The following ANKRD36C variants were observed in gnomAD, a reference collection of about 807,000 sequenced individuals.
ANKRD36C encodes ankyrin repeat domain-containing protein 36C.
Under a neutral mutation model 276.4 loss-of-function variants are expected in ANKRD36C, and 61 were observed. That is an observed-to-expected ratio of 0.22 (90% CI 0.18 to 0.27). The LOEUF is 0.27. Ranked by LOEUF, ANKRD36C falls within the 10% of genes least tolerant of loss-of-function variation. The pLI, the probability that ANKRD36C is intolerant of heterozygous loss-of-function variation, is 1.00. For synonymous variants in ANKRD36C, 483 were observed against 680.1 expected, an observed-to-expected ratio of 0.71 and a Z score of 4.51; for missense variants, 1,447 against 2,032.3, an observed-to-expected ratio of 0.71 and a Z score of 5.54.
At chr2:95,963,992 T>TATATAA (rs1558658738) in intron 6 of ANKRD36C, among the ~76,000 whole-genome samples, 50 of 16,602 alleles carry the variant, frequency 3.0e-3, no homozygotes, top group African/African-American at 0.023. Context: ...TATATATATA[T>TATATAA]ATATATATAT....
intron 12 of ANKRD36C, among the ~76,000 whole-genome samples, chr2:95,957,608 A>G (rs1433328560): frequency 2.0e-5 from 3 of 152,270 alleles, no homozygotes; most frequent in African/African-American, 7.2e-5. Context: ...TGTATAAAAA[A>G]TTATCAAATT....
At chr2:95,884,317 A>T in intron 53 of ANKRD36C, 23 bp downstream of exon 73, 1 of 1,610,746 alleles carries the variant, frequency 6.2e-7, no homozygotes. Context: ...ACTAGTTCAC[A>T]ATATAAATAA....
At chr2:95,908,185 C>T (rs1195947889) in intron 42 of ANKRD36C, among the ~76,000 whole-genome samples, 1 of 148,968 alleles carries the variant, frequency 6.7e-6, no homozygotes, top group African/African-American at 2.4e-5. Flanking sequence ...TCCTCTCTTT[C>T]TCCTTCCACC....
At chr2:95,983,119 C>A (rs572133974) in intron 3 of ANKRD36C, among the ~76,000 whole-genome samples, 1 of 150,968 alleles carries the variant, frequency 6.6e-6, no homozygotes, top group African/African-American at 2.4e-5. Context: ...GTGACAATGT[C>A]AGGAGCTCCT....
At chr2:95,983,181 T>A (rs1678955514) in intron 3 of ANKRD36C, among the ~76,000 whole-genome samples, 1 of 151,250 alleles carries the variant, frequency 6.6e-6, no homozygotes, top group Non-Finnish European at 1.5e-5. Flanking sequence ...CGATTGACAG[T>A]TCATTTGAAG....
rs575671619 is a variant in ANKRD36C, at chr2:95,860,360, T to C, written c.3683-286A>G. Reference sequence around the variant, plus strand: ...AACATAGTTATGTGATTGCATAAGATAATTTGATCTATACTTCACCCAGGG... The same window carrying C: ...AACATAGTTATGTGATTGCATAAGACAATTTGATCTATACTTCACCCAGGG... On this transcript the variant is annotated intron_variant, in intron 60 of 66. Transcript: ENST00000456556. Among the ~76,000 whole-genome samples, 3 of 149,740 alleles carry C rather than the reference T, an allele frequency of 2.0e-5. No individual in the cohort carries two copies. In the South Asian group the frequency reaches 6.3e-4, roughly 31 times the overall value.
chr2:95,910,253 A>C, intron 42 of ANKRD36C, 120 bp downstream of exon 46: 1 of 1,184,174 alleles, frequency 8.4e-7, no homozygotes, highest in Non-Finnish European at 1.2e-6. Flanking sequence ...CAAATGAAGA[A>C]TCTCCGGCCT....
chr2:95,973,990 G>T (rs1678753403), intron 6 of ANKRD36C, among the ~76,000 whole-genome samples: 1 of 151,876 alleles, frequency 6.6e-6, no homozygotes, highest in Non-Finnish European at 1.5e-5. Flanking sequence ...GTTTGAGGCT[G>T]CAGTGAGCTA....
At chr2:95,964,453 G>A (rs72492201) in intron 6 of ANKRD36C, among the ~76,000 whole-genome samples, 49,190 of 151,768 alleles carry the variant, frequency 0.32, 9,294 homozygotes, top group East Asian at 0.48. Flanking sequence ...CCATATTGGT[G>A]GACTTCATTC....
chr2:95,860,102 A>G lies in ANKRD36C; in HGVS notation c.3683-28T>C, dbSNP rs765835964. The G allele has an allele frequency of 3.7e-6, 5 of 1,347,796 alleles. No homozygotes were observed. In the African/African-American group the frequency reaches 4.3e-5, roughly 12 times the overall value. The allele number at this position is 1,347,796 out of a possible 1,614,324, so 83.5% of individuals were successfully genotyped here. On this transcript the variant is annotated intron_variant, in intron 60 of 66. Coordinates refer to ENST00000456556, the Ensembl canonical transcript of ANKRD36C. ...GTAACCAGGAAAAAACAAAGTAGAG[A>G]TAAAATACATGAGTAGATTTTTGGA...
At chr2:95,853,837 T>C in exon 64 of ANKRD36C, 1 of 1,608,982 alleles carries the variant, frequency 6.2e-7, no homozygotes. Context: ...TCATCTTGTT[T>C]TTGTTGAAGC....
intron 38 of ANKRD36C, 106 bp from the exon 41 acceptor site, chr2:95,914,409 C>T (rs1257833237): frequency 5.0e-6 from 7 of 1,404,044 alleles, no homozygotes; most frequent in East Asian, 2.5e-5. Flanking sequence ...CCTGTATTAG[C>T]GTAGTCTTTG....
intron 54 of ANKRD36C, among the ~76,000 whole-genome samples, chr2:95,883,424 A>T (rs957687613): frequency 2.0e-4 from 31 of 152,150 alleles, no homozygotes; most frequent in Non-Finnish European, 3.5e-4. Flanking sequence ...AAGTTAGCTA[A>T]TTGAAAAGCA....
chr2:95,918,916 T>C (rs1305517768), intron 34 of ANKRD36C, among the ~76,000 whole-genome samples: 1 of 134,670 alleles, frequency 7.4e-6, no homozygotes, highest in Non-Finnish European at 1.7e-5. Flanking sequence ...GAGTATCATG[T>C]TAGTCTCTAA....
At chr2:95,956,654 T>G in intron 13 of ANKRD36C, 132 bp downstream of exon 13, 1 of 664,360 alleles carries the variant, frequency 1.5e-6, no homozygotes, top group Non-Finnish European at 2.2e-6. Context: ...TGTGTGGAGA[T>G]GACATGACAT....
intron 3 of ANKRD36C, among the ~76,000 whole-genome samples, chr2:95,985,201 G>C (rs1426379080): frequency 6.6e-6 from 1 of 152,114 alleles, no homozygotes; most frequent in African/African-American, 2.4e-5. Context: ...GCAAAGAAAA[G>C]GTGTTATTCT....
At chr2:95,986,777 C>T in exon 3 of ANKRD36C, 1 of 1,611,844 alleles carries the variant, frequency 6.2e-7, no homozygotes. Flanking sequence ...ATATTTGCAC[C>T]ATATGAAAGA....
chr2:95,858,718 CAT>C (rs149808120), intron 61 of ANKRD36C, among the ~76,000 whole-genome samples: 1 of 152,140 alleles, frequency 6.6e-6, no homozygotes, highest in African/African-American at 2.4e-5. Context: ...CTTTATGAAA[CAT>C]ATATCAGCAG....
At chr2:95,858,847 A>G (rs972555150) in intron 61 of ANKRD36C, among the ~76,000 whole-genome samples, 27 of 152,142 alleles carry the variant, frequency 1.8e-4, no homozygotes, top group Non-Finnish European at 3.5e-4. Flanking sequence ...TTTATAACCA[A>G]TTGTAAAATC....
Sources: allele counts gnomAD v4.1 joint callset (sites outside exome capture counted in the v4.1 genomes callset), GRCh38; gene constraint gnomAD v4.1.1; transcripts MANE v1.5; gene names NCBI Gene and HGNC (gene_info 2026-07-23, HGNC 2026-07-21).